The following TNFRSF21 variants were observed in gnomAD, a reference collection of about 807,000 sequenced individuals.
TNFRSF21 encodes the protein tumor necrosis factor receptor superfamily member 21.
Under a neutral mutation model 45.6 loss-of-function variants are expected in TNFRSF21, and 19 were observed. That is an observed-to-expected ratio of 0.42 (90% CI 0.29 to 0.61). TNFRSF21 has a LOEUF of 0.61. TNFRSF21 is among the 20% of genes least tolerant of loss of function. The pLI is 0.23. For missense variants in TNFRSF21, 737 were observed against 851.5 expected (o/e 0.87, Z 1.67); for synonymous variants, 314 against 335.5 (o/e 0.94, Z 0.70).
At position 47,242,612 on chromosome 6, in the gene TNFRSF21, C is replaced by T. The variant is rs9473030; in HGVS notation, c.1510-7714G>A. 6.3e-3 allele frequency among the ~76,000 whole-genome samples: 960 copies of T among 152,182 alleles called. 13 individuals carry two copies. The highest frequency in any genetic ancestry group is 0.022 in the African/African-American group (903 of 41,524). On this transcript the variant is annotated intron_variant, in intron 4 of 5. Coordinates refer to ENST00000296861, the MANE Select transcript of TNFRSF21 (RefSeq NM_014452.5). ...AAAGCTGGTAAGAACCAGCTGGCTCCGGAGGGAGGGAAAAGGGGGGGCAGC... is the reference window on the plus strand; with the variant it reads ...AAAGCTGGTAAGAACCAGCTGGCTCTGGAGGGAGGGAAAAGGGGGGGCAGC...
At chr6:47,258,242 C>T (rs1303565929) in intron 3 of TNFRSF21, among the ~76,000 whole-genome samples, 3 of 151,824 alleles carry the variant, frequency 2.0e-5, no homozygotes, top group Non-Finnish European at 2.9e-5. Flanking sequence ...TGGTGGTGCA[C>T]ACCTGTAATC....
At chr6:47,245,453 TGTGTTTG>T (rs1764810631) in intron 4 of TNFRSF21, among the ~76,000 whole-genome samples, 1 of 127,102 alleles carries the variant, frequency 7.9e-6, no homozygotes, top group African/African-American at 3.8e-5. Context: ...TGTGTGTGTG[TGTGTTTG>T]TGTGTGTGTG....
chr6:47,245,713 A>G (rs928380484), intron 4 of TNFRSF21, among the ~76,000 whole-genome samples: 1 of 152,130 alleles, frequency 6.6e-6, no homozygotes, highest in Non-Finnish European at 1.5e-5. Context: ...TTGACATGGG[A>G]TTCAATGAAA....
chr6:47,259,651 G>C (rs556865516), intron 3 of TNFRSF21, among the ~76,000 whole-genome samples: 3 of 152,128 alleles, frequency 2.0e-5, no homozygotes, highest in African/African-American at 7.2e-5. Flanking sequence ...CTGGGATTAC[G>C]GGTGTGAGCC....
chr6:47,233,069 G>A, intron 5 of TNFRSF21, 75 bp from the exon 6 acceptor site: 2 of 1,357,402 alleles, frequency 1.5e-6, no homozygotes, highest in Non-Finnish European at 2.1e-6. Context: ...GGAGAGCAGG[G>A]TCCTAGAGAG....
At chr6:47,286,804 G>A (rs1037280805) in intron 1 of TNFRSF21, among the ~76,000 whole-genome samples, 8 of 152,122 alleles carry the variant, frequency 5.3e-5, no homozygotes, top group Admixed American at 5.2e-4. Flanking sequence ...TGATCTACTG[G>A]CTGTGATGCT....
At chr6:47,238,176 T>C (rs2236039) in intron 4 of TNFRSF21, among the ~76,000 whole-genome samples, 58,778 of 152,184 alleles carry the variant, frequency 0.39, 12,236 homozygotes, top group East Asian at 0.57. Flanking sequence ...GTTGTGGCTG[T>C]AGCAGCTCTT....
At chr6:47,271,899 A>G (rs1762425530) in intron 3 of TNFRSF21, among the ~76,000 whole-genome samples, 1 of 152,336 alleles carries the variant, frequency 6.6e-6, no homozygotes, top group East Asian at 1.9e-4. Context: ...TAAACCAACA[A>G]AGATCAAAAG....
intron 1 of TNFRSF21, among the ~76,000 whole-genome samples, chr6:47,308,134 G>T (rs1346988834): frequency 6.6e-6 from 1 of 152,204 alleles, no homozygotes; most frequent in Non-Finnish European, 1.5e-5. Flanking sequence ...AAGGGAGACT[G>T]GGACTTGCCT....
chr6:47,309,375 C>A, intron 1 of TNFRSF21, 41 bp downstream of exon 1: 1 of 1,513,212 alleles, frequency 6.6e-7, no homozygotes. Flanking sequence ...GTTCCTTCTG[C>A]TCCGGCGCCG....
intron 1 of TNFRSF21, among the ~76,000 whole-genome samples, chr6:47,293,681 T>C (rs1360556951): frequency 6.6e-6 from 1 of 152,192 alleles, no homozygotes; most frequent in Non-Finnish European, 1.5e-5. Context: ...CTTCCTTTCT[T>C]GACACCCACT....
At position 47,309,678 on chromosome 6, in the gene TNFRSF21, G is replaced by A. The variant is rs1193993199; in HGVS notation, c.-167C>T. ...GCCGGGCAGAGGAGGGAGGCGGCAA[G>A]GGAGGCTCTAGGGGCGCTCAGCACC... On this transcript the variant is annotated 5_prime_UTR_variant, in exon 1 of 6. Coordinates refer to ENST00000296861, the MANE Select transcript of TNFRSF21 (RefSeq NM_014452.5). 2 of 1,092,296 alleles carry A rather than the reference G, an allele frequency of 1.8e-6. No individual in the cohort carries two copies. Among genetic ancestry groups the A allele is most frequent in the South Asian group, 2.3e-5 (1 of 43,834 alleles). 67.7% of individuals were successfully genotyped at this position (1,092,296 alleles called of 1,614,324 possible). A position where few individuals can be genotyped will look rare whatever the true frequency, so the allele number is the denominator to read the frequency against.
In TNFRSF21 at chr6:47,286,470, G is replaced by C. The variant is rs1561950055; in HGVS notation, c.222C>G (p.Thr74=). 1 of 1,614,118 alleles carries C rather than the reference G, an allele frequency of 6.2e-7. No homozygotes were observed. The highest frequency in any genetic ancestry group is 1.3e-5 in the African/African-American group (1 of 74,946). ...TGTTGGTACAATGCTCAGAGACATA[G>C]GTTCCTGCTGGACACTTGTCACAGG... The part of the protein sequence containing the change: ...VLTCDKCPAG[T]YVSEHCTNTS... The change falls in exon 2 of 6, where the codon ACC becomes ACG. Residue 74 remains threonine, a synonymous_variant. Transcript: ENST00000296861.
chr6:47,309,476 G>A lies in TNFRSF21; in HGVS notation c.36C>T (p.Ala12=). ...GTSPSSSTAL[A]SCSRIARRAT... ...CTCGGCGGGCGATGCGGCTGCAGGA[G>A]GCGAGGGCGGTGCTGCTGCTCGGAG... The change falls in exon 1 of 6, where the codon GCC becomes GCT. Residue 12 remains alanine, a synonymous_variant. Coordinates refer to ENST00000296861, the MANE Select transcript of TNFRSF21 (RefSeq NM_014452.5). 1.3e-6 allele frequency: 2 copies of A among 1,528,560 alleles called. No individual in the cohort carries two copies. The highest frequency in any genetic ancestry group is 1.2e-5 in the South Asian group (1 of 82,150). The allele number at this position is 1,528,560 out of a possible 1,614,324, so 94.7% of individuals were successfully genotyped here. A position where few individuals can be genotyped will look rare whatever the true frequency, so the allele number is the denominator to read the frequency against.
At chr6:47,275,697 A>T (rs1762487414) in intron 3 of TNFRSF21, among the ~76,000 whole-genome samples, 1 of 152,118 alleles carries the variant, frequency 6.6e-6, no homozygotes, top group Non-Finnish European at 1.5e-5. Context: ...CCCTAAAAGC[A>T]CACAGAGTTA....
At chr6:47,251,301 A>G (rs1299754794) in intron 4 of TNFRSF21, among the ~76,000 whole-genome samples, 2 of 152,252 alleles carry the variant, frequency 1.3e-5, no homozygotes, top group Non-Finnish European at 2.9e-5. Flanking sequence ...CTCAAAGGCT[A>G]TAGCAGAACC....
intron 3 of TNFRSF21, among the ~76,000 whole-genome samples, chr6:47,256,265 C>T (rs73473627): frequency 0.072 from 10,992 of 152,220 alleles, 425 homozygotes; most frequent in African/African-American, 0.088. Context: ...TGGCTCACAC[C>T]TGTAATGCAG....
At chr6:47,293,240 C>T (rs1313881407) in intron 1 of TNFRSF21, among the ~76,000 whole-genome samples, 1 of 152,214 alleles carries the variant, frequency 6.6e-6, no homozygotes, top group Non-Finnish European at 1.5e-5. Flanking sequence ...GGGACGACCA[C>T]ATAGATTGCA....
intron 4 of TNFRSF21, among the ~76,000 whole-genome samples, chr6:47,237,505 A>G (rs1300776089): frequency 6.6e-6 from 1 of 152,196 alleles, no homozygotes; most frequent in Non-Finnish European, 1.5e-5. Context: ...TTTATAGCCA[A>G]TGAAGAACAC....
Sources: gnomAD v4.1 joint callset for allele counts (sites outside exome capture counted in the v4.1 genomes callset) on GRCh38, gnomAD v4.1.1 for gene constraint, MANE v1.5 for transcripts, NCBI Gene and HGNC (gene_info 2026-07-23, HGNC 2026-07-21) for gene names.